Variants in CEP85L observed in about 807,000 individuals in gnomAD.
CEP85L encodes the protein centrosomal protein of 85 kDa-like.
CEP85L carries 60 observed loss-of-function variants against 100.3 expected under a neutral mutation model. That is an observed-to-expected ratio of 0.60 (90% CI 0.49 to 0.74). The LOEUF is 0.74. Among genes scored for constraint, CEP85L ranks in the 30% least tolerant of loss-of-function variants. CEP85L has a pLI of 0.00. For missense variants in CEP85L, 973 were observed against 936.2 expected, an observed-to-expected ratio of 1.04 and a Z score of -0.51; for synonymous variants, 319 against 322.7, an observed-to-expected ratio of 0.99 and a Z score of 0.12.
At chr6:118,709,965 AG>A (rs921118697) in intron 1 of CEP85L, 5 of 152,206 alleles carry the variant, frequency 3.3e-5, no homozygotes, top group Admixed American at 3.3e-4. Flanking sequence ...AAAATAAATC[AG>A]GGTGTAGTTT....
chr6:118,529,978 A>T (rs531156414), intron 3 of CEP85L, among the ~76,000 whole-genome samples: 1 of 152,308 alleles, frequency 6.6e-6, no homozygotes, highest in African/African-American at 2.4e-5. Context: ...ACATGAAAAA[A>T]TAGATGCAGA....
intron 1 of CEP85L, among the ~76,000 whole-genome samples, chr6:118,645,723 A>C (rs953842006): frequency 1.3e-5 from 2 of 152,214 alleles, no homozygotes; most frequent in Non-Finnish European, 2.9e-5. Flanking sequence ...TGTTTTTAAA[A>C]GTAAAATACA....
intron 2 of CEP85L, chr6:118,574,209 C>T (rs1780078550): frequency 1.3e-5 from 2 of 152,280 alleles, no homozygotes; most frequent in African/African-American, 2.4e-5. Context: ...CAACTCTTCC[C>T]ACCTTAGCAA....
chr6:118,467,155 T>TTC (rs1772588083), intron 12 of CEP85L, among the ~76,000 whole-genome samples: 1 of 152,080 alleles, frequency 6.6e-6, no homozygotes, highest in South Asian at 2.1e-4. Flanking sequence ...AAATAGCCAG[T>TTC]TCTAATATAC....
intron 1 of CEP85L, among the ~76,000 whole-genome samples, chr6:118,699,831 A>T (rs369086718): frequency 1.9e-4 from 29 of 152,130 alleles, no homozygotes; most frequent in African/African-American, 6.5e-4. Context: ...AGTAGCGGGG[A>T]CTACAGGCAC....
At chr6:118,569,714 TAAATATTAATTTCA>T (rs1464616838) in intron 2 of CEP85L, among the ~76,000 whole-genome samples, 1 of 151,436 alleles carries the variant, frequency 6.6e-6, no homozygotes, top group Admixed American at 6.6e-5. Flanking sequence ...AAGCTACAAG[TAAATATTAATTTCA>T]ATGTAACAGA....
intron 1 of CEP85L, among the ~76,000 whole-genome samples, chr6:118,701,961 T>C (rs79612922): frequency 0.016 from 2,462 of 152,290 alleles, 74 homozygotes; most frequent in African/African-American, 0.057. Flanking sequence ...GGAACATCTA[T>C]TGAAGCTAAA....
rs1562167825 is a variant in CEP85L, at chr6:118,468,089, G to GT, written c.2254+982dup. ...GAGTGAATATACTTAAACATTATGT[G>GT]TTTTTTCGATATCCACATTTGTGTA... On this transcript the variant is annotated intron_variant, in intron 12 of 12. Transcript: ENST00000368491. Among the ~76,000 whole-genome samples, 2 of 152,094 alleles carry GT rather than the reference G, an allele frequency of 1.3e-5. 1 individual carries two copies.
chr6:118,489,810 C>G (rs1774428649), intron 6 of CEP85L, among the ~76,000 whole-genome samples: 1 of 152,026 alleles, frequency 6.6e-6, no homozygotes, highest in Non-Finnish European at 1.5e-5. Context: ...GAATTGAAAT[C>G]AGGATCTCTG....
intron 1 of CEP85L, among the ~76,000 whole-genome samples, chr6:118,634,700 T>C (rs1774382772): frequency 6.6e-6 from 1 of 150,556 alleles, no homozygotes; most frequent in African/African-American, 2.4e-5. Context: ...CTAATTCTGA[T>C]CTGTGGTCTG....
At chr6:118,677,119 T>C (rs1776508971) in intron 1 of CEP85L, among the ~76,000 whole-genome samples, 2 of 152,132 alleles carry the variant, frequency 1.3e-5, no homozygotes, top group South Asian at 4.1e-4. Flanking sequence ...TACTTATCAC[T>C]AATGTAGCTT....
rs748051039 is a variant in CEP85L, at chr6:118,469,108, T to G, written c.2218A>C (p.Lys740Gln). The G allele has an allele frequency of 6.2e-7, 1 of 1,613,880 alleles. No individual in the cohort carries two copies. The highest frequency in any genetic ancestry group is 1.1e-5 in the South Asian group (1 of 91,078). The change falls in exon 12 of 13, where the codon AAG (lysine) becomes CAG (glutamine). Residue 740 changes from lysine (K) to glutamine (Q), a missense_variant. Lys to Gln is a moderately conservative substitution (Grantham distance 53). Coordinates refer to ENST00000368491, the MANE Select transcript of CEP85L (RefSeq NM_001042475.3). ...AGTAATAATGAAAGATTAGGCTCCTTGCCCTGAGCACGCTGATTAAGAATA... is the reference window on the plus strand; with the variant it reads ...AGTAATAATGAAAGATTAGGCTCCTGGCCCTGAGCACGCTGATTAAGAATA... ...CSILNQRAQG[K>Q]EPNLSLLLGI...
intron 7 of CEP85L, among the ~76,000 whole-genome samples, chr6:118,482,713 T>C (rs1220312572): frequency 6.6e-6 from 1 of 152,218 alleles, no homozygotes; most frequent in African/African-American, 2.4e-5. Flanking sequence ...CAGTGGATGT[T>C]AGGTATTTTC....
intron 2 of CEP85L, among the ~76,000 whole-genome samples, chr6:118,620,825 C>A (rs1478439176): frequency 6.6e-6 from 1 of 152,214 alleles, no homozygotes; most frequent in African/African-American, 2.4e-5. Flanking sequence ...ATTTCTCCCA[C>A]CTCCTCAGCT....
intron 6 of CEP85L, among the ~76,000 whole-genome samples, chr6:118,486,966 G>A (rs1041737557): frequency 1.1e-4 from 16 of 151,752 alleles, no homozygotes; most frequent in African/African-American, 3.4e-4. Context: ...TGCTACATAC[G>A]CCACAGAGAC....
chr6:118,475,728 TTATAAG>T (rs1412066385), intron 10 of CEP85L, among the ~76,000 whole-genome samples: 14 of 152,160 alleles, frequency 9.2e-5, no homozygotes, highest in African/African-American at 1.9e-4. Flanking sequence ...ATTTTCTGGT[TTATAAG>T]TATATCTACC....
intron 4 of CEP85L, among the ~76,000 whole-genome samples, chr6:118,517,620 G>C (rs978336421): frequency 3.5e-4 from 54 of 152,174 alleles, no homozygotes; most frequent in Admixed American, 2.4e-3. Flanking sequence ...TTGCTTATCG[G>C]CTCAAGGAGA....
intron 3 of CEP85L, among the ~76,000 whole-genome samples, chr6:118,542,923 A>AAAAAAAAAAAAAAAAAC (rs1554216838): frequency 2.0e-4 from 29 of 144,022 alleles, no homozygotes; most frequent in Non-Finnish European, 3.9e-4. Flanking sequence ...AAAAAAAAAA[A>AAAAAAAAAAAAAAAAAC]CAGGATATTC....
At chr6:118,651,592 C>T (rs963932434), upstream of CEP85L, 4 of 1,104,668 alleles carry the variant, frequency 3.6e-6, no homozygotes, top group Non-Finnish European at 4.4e-6. Flanking sequence ...CGGGTTCTCT[C>T]CGCCCCCTCC....
Sources: allele counts gnomAD v4.1 joint callset (sites outside exome capture counted in the v4.1 genomes callset), GRCh38; gene constraint gnomAD v4.1.1; transcripts MANE v1.5; gene names NCBI Gene and HGNC (gene_info 2026-07-23, HGNC 2026-07-21).